The following DLGAP2 variants were observed in gnomAD, a reference collection of about 807,000 sequenced individuals.
The protein encoded by DLGAP2 is disks large-associated protein 2.
Under a neutral mutation model 100.3 loss-of-function variants are expected in DLGAP2, and 26 were observed. That is an observed-to-expected ratio of 0.26 (90% CI 0.19 to 0.36). The LOEUF is 0.36. Ranked by LOEUF, DLGAP2 falls within the 10% of genes least tolerant of loss-of-function variation. The pLI, the probability that DLGAP2 is intolerant of heterozygous loss-of-function variation, is 1.00. For synonymous variants in DLGAP2, 886 were observed against 630.1 expected (o/e 1.41, Z -6.08); for missense variants, 1,858 against 1,453.2 (o/e 1.28, Z -4.53).
intron 4 of DLGAP2, among the ~76,000 whole-genome samples, chr8:1,538,592 G>GCTT (rs1374051907): frequency 6.6e-6 from 1 of 152,150 alleles, no homozygotes; most frequent in Non-Finnish European, 1.5e-5. Flanking sequence ...ATAGGGAGGG[G>GCTT]CTTATGTCTC....
chr8:1,084,116 A>C (rs1326689581), intron 2 of DLGAP2, among the ~76,000 whole-genome samples: 1 of 152,196 alleles, frequency 6.6e-6, no homozygotes, highest in South Asian at 2.1e-4. Flanking sequence ...TATATTTTAA[A>C]GCATTTAAAT....
chr8:1,360,267 G>T lies in DLGAP2; in HGVS notation c.106+101384G>T, dbSNP rs1455217533. ...TTCTCCGGGGCGGGGCTTCTCCGGGGCGGGGCTTCTCTGGGGCGGGGCTTC... is the reference window on the plus strand; with the variant it reads ...TTCTCCGGGGCGGGGCTTCTCCGGGTCGGGGCTTCTCTGGGGCGGGGCTTC... On this transcript the variant is annotated intron_variant, in intron 3 of 14. Transcript: ENST00000637795. Among the ~76,000 whole-genome samples, 4 of 130,738 alleles carry T rather than the reference G, an allele frequency of 3.1e-5. No homozygotes were observed. The East Asian group carries it at 8.8e-4, about 29-fold the overall frequency. 85.8% of individuals were successfully genotyped at this position (130,738 alleles called of 152,430 possible). A position where few individuals can be genotyped will look rare whatever the true frequency, so the allele number is the denominator to read the frequency against.
intron 6 of DLGAP2, among the ~76,000 whole-genome samples, chr8:1,607,657 C>G (rs1009542550): frequency 4.3e-4 from 66 of 152,094 alleles, no homozygotes; most frequent in African/African-American, 1.6e-3. Flanking sequence ...GAGTGCCAGA[C>G]AGTGGGCGCA....
intron 2 of DLGAP2, among the ~76,000 whole-genome samples, chr8:1,196,030 A>G (rs1009547629): frequency 1.3e-5 from 2 of 152,204 alleles, no homozygotes; most frequent in Non-Finnish European, 2.9e-5. Flanking sequence ...TCTCTCAAAT[A>G]GCCATGACGT....
At chr8:1,386,790 GA>G (rs1446421272) in intron 3 of DLGAP2, among the ~76,000 whole-genome samples, 2 of 151,846 alleles carry the variant, frequency 1.3e-5, no homozygotes, top group African/African-American at 4.8e-5. Flanking sequence ...GAGATCCAAA[GA>G]AAAAAAGGAT....
chr8:1,201,109 C>T (rs7814626), intron 2 of DLGAP2, among the ~76,000 whole-genome samples: 33,119 of 152,170 alleles, frequency 0.22, 3,628 homozygotes, highest in African/African-American at 0.25. Flanking sequence ...CTCCCCGTCC[C>T]CGAGGCCTGG....
At chr8:832,037 T>A (rs1796793992) in intron 1 of DLGAP2, among the ~76,000 whole-genome samples, 1 of 152,268 alleles carries the variant, frequency 6.6e-6, no homozygotes, top group Non-Finnish European at 1.5e-5. Flanking sequence ...TTCATGTCCT[T>A]TGCCCACTTT....
chr8:1,099,047 A>G (rs981426526), intron 2 of DLGAP2, among the ~76,000 whole-genome samples: 2 of 152,166 alleles, frequency 1.3e-5, no homozygotes, highest in East Asian at 1.9e-4. Flanking sequence ...TGTGTATTTT[A>G]GAAAATACTG....
intron 1 of DLGAP2, among the ~76,000 whole-genome samples, chr8:892,596 A>G (rs1185109028): frequency 2.6e-5 from 4 of 152,150 alleles, no homozygotes; most frequent in Non-Finnish European, 5.9e-5. Context: ...TGTGTGGTTA[A>G]AGAAAATGGA....
At chr8:1,061,484 G>A (rs1389029987) in intron 2 of DLGAP2, among the ~76,000 whole-genome samples, 2 of 152,228 alleles carry the variant, frequency 1.3e-5, no homozygotes, top group African/African-American at 4.8e-5. Flanking sequence ...ATGAGCTGTG[G>A]AAGGATCCCG....
chr8:1,614,018 C>T (rs1563256981), intron 6 of DLGAP2, among the ~76,000 whole-genome samples: 1 of 152,130 alleles, frequency 6.6e-6, no homozygotes, highest in African/African-American at 2.4e-5. Flanking sequence ...TCAGACTCGG[C>T]GGGGTTTTCA....
intron 14 of DLGAP2, among the ~76,000 whole-genome samples, chr8:1,697,645 A>C (rs577895632): frequency 3.9e-5 from 6 of 152,218 alleles, no homozygotes; most frequent in Non-Finnish European, 7.3e-5. Flanking sequence ...AATTATCTTT[A>C]TCAAACTTGT....
rs145356450 is a variant in DLGAP2, at chr8:1,291,542, T to C, written c.106+32659T>C. ...CCATGACACAGAGGGTTTTGTGGTATATTCGAAGCCCTGCCATTCCTAATC... is the reference window on the plus strand; with the variant it reads ...CCATGACACAGAGGGTTTTGTGGTACATTCGAAGCCCTGCCATTCCTAATC... On this transcript the variant is annotated intron_variant, in intron 3 of 14. Coordinates refer to ENST00000637795, the MANE Select transcript of DLGAP2 (RefSeq NM_001346810.2). Among the ~76,000 whole-genome samples, 9 of 152,288 alleles carry C rather than the reference T, an allele frequency of 5.9e-5. No homozygotes were observed. In the East Asian group the frequency reaches 1.5e-3, roughly 26 times the overall value.
At chr8:877,491 A>G (rs1208461170) in intron 1 of DLGAP2, among the ~76,000 whole-genome samples, 1 of 152,238 alleles carries the variant, frequency 6.6e-6, no homozygotes, top group East Asian at 1.9e-4. Flanking sequence ...TCCCTGACCC[A>G]GGCAGCTATT....
chr8:762,475 G>C (rs552976560), intron 1 of DLGAP2, among the ~76,000 whole-genome samples: 1 of 152,310 alleles, frequency 6.6e-6, no homozygotes, highest in East Asian at 1.9e-4. Flanking sequence ...GTGAAACAGA[G>C]TAAAAGTAAC....
intron 1 of DLGAP2, among the ~76,000 whole-genome samples, chr8:882,765 C>T (rs1416493399): frequency 6.6e-6 from 1 of 152,114 alleles, no homozygotes; most frequent in African/African-American, 2.4e-5. Flanking sequence ...CCTCTCCCTG[C>T]GGAGGCCTCT....
chr8:1,130,462 C>T (rs1024609444), intron 2 of DLGAP2, among the ~76,000 whole-genome samples: 2 of 152,128 alleles, frequency 1.3e-5, no homozygotes, highest in South Asian at 2.1e-4. Flanking sequence ...CATGAACCGC[C>T]GTACGCTTGA....
chr8:1,114,325 C>T (rs1282848665), intron 2 of DLGAP2, among the ~76,000 whole-genome samples: 2 of 151,918 alleles, frequency 1.3e-5, no homozygotes, highest in African/African-American at 4.8e-5. Flanking sequence ...ATTCATCTGT[C>T]CTGGGCTTTT....
chr8:1,327,927 C>G (rs1361723282), intron 3 of DLGAP2, among the ~76,000 whole-genome samples: 2 of 152,222 alleles, frequency 1.3e-5, no homozygotes, highest in Admixed American at 1.3e-4. Flanking sequence ...CTTCCTCAGA[C>G]TGTACAAGAC....
Sources: gnomAD v4.1 joint callset for allele counts (sites outside exome capture counted in the v4.1 genomes callset) on GRCh38, gnomAD v4.1.1 for gene constraint, MANE v1.5 for transcripts, NCBI Gene and HGNC (gene_info 2026-07-23, HGNC 2026-07-21) for gene names.